TFEC: variants seen among roughly 807,000 people sequenced by gnomAD.
The protein encoded by TFEC is transcription factor EC, also known as class E basic helix-loop-helix protein 34.
Under a neutral mutation model 41.6 loss-of-function variants are expected in TFEC, and 31 were observed. The observed-to-expected ratio is 0.74, with a 90% CI of 0.56 to 1.01. The LOEUF (loss-of-function observed/expected upper bound fraction) is 1.01, where lower values mean the gene tolerates loss of function less well. TFEC is among the 50% of genes least tolerant of loss of function. TFEC has a pLI of 0.00. For missense variants in TFEC, 402 were observed against 404.1 expected (o/e 0.99, Z 0.04); for synonymous variants, 143 against 140.6 (o/e 1.02, Z -0.12).
chr7:116,049,207 G>C (rs368607617), intron 3 of TFEC, among the ~76,000 whole-genome samples: 2 of 152,074 alleles, frequency 1.3e-5, no homozygotes, highest in African/African-American at 4.8e-5. Context: ...AGAGTCAAGA[G>C]CCATCAGTGT....
intron 1 of TFEC, among the ~76,000 whole-genome samples, chr7:116,004,021 T>C (rs912852519): frequency 6.6e-6 from 1 of 152,086 alleles, no homozygotes; most frequent in Non-Finnish European, 1.5e-5. Flanking sequence ...TTTATGTACA[T>C]GTTAAAAGAA....
intron 3 of TFEC, among the ~76,000 whole-genome samples, chr7:116,055,701 C>T (rs1036327201): frequency 6.6e-6 from 1 of 151,690 alleles, no homozygotes; most frequent in Non-Finnish European, 1.5e-5. Flanking sequence ...TCAATGATTG[C>T]CACAATTCTG....
chr7:115,973,372 G>T (rs1793222671), intron 3 of TFEC, among the ~76,000 whole-genome samples: 4 of 151,848 alleles, frequency 2.6e-5, no homozygotes, highest in Non-Finnish European at 5.9e-5. Flanking sequence ...ACTCAATATA[G>T]TCAGAATTCA....
intron 3 of TFEC, among the ~76,000 whole-genome samples, chr7:116,060,115 G>C (rs1305639733): frequency 2.0e-5 from 3 of 151,918 alleles, no homozygotes; most frequent in Non-Finnish European, 4.4e-5. Flanking sequence ...AATTTAACAA[G>C]GTTTCAGGAT....
chr7:115,951,898 C>G (rs1453801076), intron 5 of TFEC, among the ~76,000 whole-genome samples: 1 of 152,024 alleles, frequency 6.6e-6, no homozygotes, highest in Non-Finnish European at 1.5e-5. Context: ...GTCTTCTACT[C>G]TATATTCCTA....
chr7:115,983,989 C>A (rs888705681), intron 2 of TFEC, among the ~76,000 whole-genome samples: 3 of 151,978 alleles, frequency 2.0e-5, no homozygotes, highest in African/African-American at 7.2e-5. Context: ...ACAATTAGGG[C>A]TAAATCTTCT....
intron 1 of TFEC, among the ~76,000 whole-genome samples, chr7:116,015,637 G>T (rs1795161845): frequency 6.6e-6 from 1 of 152,032 alleles, no homozygotes; most frequent in African/African-American, 2.4e-5. Context: ...GAAGACTCGT[G>T]AGCCAAATAT....
chr7:116,103,779 A>G (rs955225109), intron 3 of TFEC, among the ~76,000 whole-genome samples: 21 of 152,198 alleles, frequency 1.4e-4, no homozygotes, highest in Non-Finnish European at 2.6e-4. Flanking sequence ...ACTGAAAATT[A>G]GCAAAACAAA....
intron 6 of TFEC, among the ~76,000 whole-genome samples, chr7:115,949,220 A>C (rs1403475145): frequency 1.3e-5 from 2 of 152,128 alleles, no homozygotes; most frequent in Non-Finnish European, 2.9e-5. Context: ...AAATGGAAGA[A>C]CATTCCATGC....
intron 3 of TFEC, among the ~76,000 whole-genome samples, chr7:116,058,371 T>C (rs1043766860): frequency 1.3e-5 from 2 of 149,526 alleles, no homozygotes; most frequent in African/African-American, 2.5e-5. Flanking sequence ...TTTCAAAATA[T>C]ATAAAGCACA....
chr7:116,051,029 A>C (rs2204335), intron 3 of TFEC, among the ~76,000 whole-genome samples: 1 of 152,048 alleles, frequency 6.6e-6, no homozygotes, highest in East Asian at 1.9e-4. Context: ...CCATCATTCT[A>C]AGCAAACTAT....
intron 3 of TFEC, among the ~76,000 whole-genome samples, chr7:116,037,193 T>C (rs1321496206): frequency 6.6e-6 from 1 of 152,070 alleles, no homozygotes; most frequent in Non-Finnish European, 1.5e-5. Context: ...TAACGGCAAT[T>C]GATTTTGTGC....
At chr7:115,965,330 C>A (rs754460885) in intron 3 of TFEC, among the ~76,000 whole-genome samples, 1 of 151,590 alleles carries the variant, frequency 6.6e-6, no homozygotes, top group Non-Finnish European at 1.5e-5. Context: ...TACTCTACTA[C>A]TGTGTAAAGA....
intron 1 of TFEC, among the ~76,000 whole-genome samples, chr7:116,030,074 G>T (rs1038955995): frequency 6.6e-6 from 1 of 151,902 alleles, no homozygotes; most frequent in African/African-American, 2.4e-5. Context: ...TCAAAAAAAG[G>T]TTGTTGCATT....
At chr7:115,956,829 C>A (rs1792261033) in intron 3 of TFEC, 36 bp from the exon 4 acceptor site, 9 of 1,364,928 alleles carry the variant, frequency 6.6e-6, no homozygotes, top group African/African-American at 3.0e-5. Context: ...TTAATAAAAA[C>A]CTTCTGTGCA....
chr7:116,155,355 G>A (rs1043913741), intron 1 of TFEC, among the ~76,000 whole-genome samples: 3 of 152,166 alleles, frequency 2.0e-5, no homozygotes, highest in Admixed American at 1.3e-4. Context: ...TTAAGATATC[G>A]AAGGACTATT....
chr7:115,966,019 T>G (rs942097416), intron 3 of TFEC, among the ~76,000 whole-genome samples: 1 of 151,616 alleles, frequency 6.6e-6, no homozygotes, highest in Non-Finnish European at 1.5e-5. Context: ...TCTTCATCTC[T>G]CTCAATTAAC....
chr7:115,993,721 T>C (rs1412055613), intron 1 of TFEC, among the ~76,000 whole-genome samples: 1 of 152,148 alleles, frequency 6.6e-6, no homozygotes, highest in Admixed American at 6.5e-5. Context: ...CACAAACAAA[T>C]GGAAGAATTC....
intron 7 of TFEC, chr7:115,941,549 T>C: frequency 7.3e-6 from 2 of 275,508 alleles, no homozygotes; most frequent in Non-Finnish European, 1.3e-5. Context: ...ATTAGGATAA[T>C]AATGTGTGCA....
Sources: gnomAD v4.1 joint callset for allele counts (sites outside exome capture counted in the v4.1 genomes callset) on GRCh38, gnomAD v4.1.1 for gene constraint, MANE v1.5 for transcripts, NCBI Gene and HGNC (gene_info 2026-07-23, HGNC 2026-07-21) for gene names.